The following DTD1 variants were observed in gnomAD, a reference collection of about 807,000 sequenced individuals.
DTD1 encodes D-aminoacyl-tRNA deacylase 1.
Under a neutral mutation model 25.6 loss-of-function variants are expected in DTD1, and 13 were observed. The observed-to-expected ratio is 0.51, with a 90% confidence interval of 0.33 to 0.81. DTD1 has a LOEUF of 0.81. Among genes scored for constraint, DTD1 ranks in the 30% least tolerant of loss-of-function variants. The pLI is 0.02. For synonymous variants in DTD1, 110 were observed against 103.6 expected, an observed-to-expected ratio of 1.06 and a Z score of -0.37; for missense variants, 193 against 266.4, an observed-to-expected ratio of 0.72 and a Z score of 1.92.
chr20:18,743,095 A>G (rs2061284985), intron 4 of DTD1, among the ~76,000 whole-genome samples: 1 of 152,150 alleles, frequency 6.6e-6, no homozygotes, highest in African/African-American at 2.4e-5. Flanking sequence ...GCTCAGTGTT[A>G]GATGATGGAA....
At chr20:18,601,810 C>T (rs1009633220) in intron 3 of DTD1, among the ~76,000 whole-genome samples, 37 of 151,914 alleles carry the variant, frequency 2.4e-4, no homozygotes, top group Admixed American at 3.9e-4. Flanking sequence ...TAGATAAAAC[C>T]GCAAAGATGG....
intron 4 of DTD1, among the ~76,000 whole-genome samples, chr20:18,651,379 G>A (rs1223950841): frequency 1.3e-5 from 2 of 152,132 alleles, no homozygotes; most frequent in South Asian, 2.1e-4. Flanking sequence ...TTGAACTCCC[G>A]ACCTCAGGCA....
chr20:18,610,446 A>G (rs2060682012), intron 3 of DTD1, among the ~76,000 whole-genome samples: 1 of 152,226 alleles, frequency 6.6e-6, no homozygotes, highest in South Asian at 2.1e-4. Context: ...TGCCTGGGGC[A>G]ATCATAAATA....
chr20:18,617,381 T>C (rs1337892504), intron 3 of DTD1, among the ~76,000 whole-genome samples: 1 of 149,688 alleles, frequency 6.7e-6, no homozygotes, highest in African/African-American at 2.4e-5. Flanking sequence ...TAATATAATG[T>C]ATATACATAT....
chr20:18,623,923 G>T (rs1484698135), intron 3 of DTD1, among the ~76,000 whole-genome samples: 1 of 106,264 alleles, frequency 9.4e-6, no homozygotes, highest in Non-Finnish European at 2.2e-5. Flanking sequence ...CAGAAAAAGA[G>T]CATGCACAAT....
chr20:18,624,880 CTT>C lies in DTD1; in HGVS notation c.371-3245_371-3244del, dbSNP rs573644601. Among the ~76,000 whole-genome samples the C allele has an allele frequency of 1.5e-3, 228 of 152,302 alleles. 9 individuals carry two copies. The South Asian group carries it at 0.046, about 31-fold the overall frequency. ...ATTTAACTTCCCAGCTAAAGGTAAA[CTT>C]TGGTCCTAGACATTTACCGTCGTAA... On this transcript the variant is annotated intron_variant, in intron 3 of 5. Transcript: ENST00000377452.
chr20:18,621,338 G>A (rs925841898), intron 3 of DTD1, among the ~76,000 whole-genome samples: 3 of 152,174 alleles, frequency 2.0e-5, no homozygotes, highest in East Asian at 1.9e-4. Context: ...TCAGTGCATC[G>A]TGTTGGGGCA....
chr20:18,710,801 G>A (rs997597542), intron 4 of DTD1, among the ~76,000 whole-genome samples: 9 of 152,094 alleles, frequency 5.9e-5, no homozygotes, highest in Admixed American at 2.0e-4. Flanking sequence ...GGATGATAGT[G>A]CCACCAGAGC....
intron 3 of DTD1, among the ~76,000 whole-genome samples, chr20:18,598,286 T>C (rs1057426826): frequency 3.9e-5 from 6 of 152,136 alleles, no homozygotes; most frequent in Non-Finnish European, 5.9e-5. Context: ...GCTTCATCCA[T>C]GTCCCTGCAA....
At chr20:18,734,393 TGTCCTCTCCCTGA>T (rs1300410728) in intron 4 of DTD1, among the ~76,000 whole-genome samples, 1 of 152,238 alleles carries the variant, frequency 6.6e-6, no homozygotes, top group Non-Finnish European at 1.5e-5. Context: ...CCAGTGGTGA[TGTCCTCTCCCTGA>T]GTTTGAGTGC....
At chr20:18,615,081 T>A (rs1193876081) in intron 3 of DTD1, among the ~76,000 whole-genome samples, 1 of 152,052 alleles carries the variant, frequency 6.6e-6, no homozygotes, top group Non-Finnish European at 1.5e-5. Context: ...AAGATGGGAA[T>A]AGATGTGCTG....
At chr20:18,630,092 T>G (rs549160059) in intron 4 of DTD1, among the ~76,000 whole-genome samples, 1 of 150,278 alleles carries the variant, frequency 6.7e-6, no homozygotes, top group East Asian at 1.9e-4. Flanking sequence ...TCAGTGGTAG[T>G]AACTGAGGGT....
At chr20:18,679,226 G>A (rs1372621652) in intron 4 of DTD1, among the ~76,000 whole-genome samples, 1 of 152,174 alleles carries the variant, frequency 6.6e-6, no homozygotes, top group African/African-American at 2.4e-5. Context: ...CCGTTGCTAT[G>A]GGAATAATAC....
At chr20:18,745,774 A>T (rs2061297629) in intron 5 of DTD1, among the ~76,000 whole-genome samples, 4 of 152,188 alleles carry the variant, frequency 2.6e-5, no homozygotes, top group Admixed American at 2.6e-4. Context: ...TCTGGATTGT[A>T]TAGGGTCTGG....
chr20:18,698,749 A>G (rs975050427), intron 4 of DTD1: 1 of 152,214 alleles, frequency 6.6e-6, no homozygotes, highest in African/African-American at 2.4e-5. Context: ...GAGCCCTGCC[A>G]TGGCTGAAAG....
intron 4 of DTD1, among the ~76,000 whole-genome samples, chr20:18,684,527 T>C (rs981606576): frequency 1.5e-4 from 23 of 152,288 alleles, no homozygotes; most frequent in African/African-American, 4.8e-4. Flanking sequence ...CCTCAAGTTT[T>C]CCACCAGCGT....
At position 18,628,206 on chromosome 20, in the gene DTD1, C is replaced by T. The variant is rs552269007; in HGVS notation, c.450C>T (p.Pro150=). The part of the protein sequence containing the change: ...PVTIELESPA[P]GTATSDPKQL... ...CCATAGAGCTGGAATCGCCAGCTCC[C>T]GGCACTGCTACCTCTGACCCAAAGC... Residue 150 remains proline, a synonymous_variant, in exon 4 of 6, where the codon CCC becomes CCT. Coordinates refer to ENST00000377452, the MANE Select transcript of DTD1 (RefSeq NM_080820.6). 28 of 1,613,764 alleles carry T rather than the reference C, an allele frequency of 1.7e-5. No individual in the cohort carries two copies. The highest frequency in any genetic ancestry group is 1.7e-4 in the Middle Eastern group (1 of 6,060).
intron 4 of DTD1, among the ~76,000 whole-genome samples, chr20:18,676,723 C>T (rs775174918): frequency 6.6e-6 from 1 of 152,178 alleles, no homozygotes; most frequent in Non-Finnish European, 1.5e-5. Flanking sequence ...TCTTCACCGA[C>T]GGCTGCTGCT....
At chr20:18,630,393 T>C (rs543801876) in intron 4 of DTD1, 1 of 152,092 alleles carries the variant, frequency 6.6e-6, no homozygotes, top group African/African-American at 2.4e-5. Context: ...GGATTCTCGC[T>C]CTGTCTCCCA....
Sources: gnomAD v4.1 joint callset for allele counts (sites outside exome capture counted in the v4.1 genomes callset) on GRCh38, gnomAD v4.1.1 for gene constraint, MANE v1.5 for transcripts, NCBI Gene and HGNC (gene_info 2026-07-23, HGNC 2026-07-21) for gene names.